KCNJ4: variants seen among roughly 807,000 people sequenced by gnomAD.
KCNJ4 encodes the protein potassium inwardly rectifying channel subfamily J member 4.
Under a neutral mutation model 25.6 loss-of-function variants are expected in KCNJ4, and 3 were observed. The ratio of observed to expected loss-of-function variants is 0.12; its 90% CI spans 0.05 to 0.30. The LOEUF (loss-of-function observed/expected upper bound fraction) is 0.30. Among genes scored for constraint, KCNJ4 ranks in the 10% least tolerant of loss-of-function variants. The probability of loss-of-function intolerance (pLI) is 1.00; values close to 1 mark genes in which losing one functional copy is unlikely to be tolerated. For missense variants in KCNJ4, 286 were observed against 666.8 expected (o/e 0.43, Z 6.29); for synonymous variants, 257 against 283.9 (o/e 0.91, Z 0.95).
Position 38,426,743 on chromosome 22 carries a change from C to T in KCNJ4, c.*52G>A. The T allele has an allele frequency of 6.5e-7, 1 of 1,546,884 alleles. No individual in the cohort carries two copies. The highest frequency in any genetic ancestry group is 8.8e-7 in the Non-Finnish European group (1 of 1,142,794). Reference sequence around the variant, plus strand: ...AGTGTGGGAGGGGGTGTCCTGGCATCCCACCCCCGGCAGAGGCTCTTGTGG... The same window carrying T: ...AGTGTGGGAGGGGGTGTCCTGGCATTCCACCCCCGGCAGAGGCTCTTGTGG... On this transcript the variant is annotated 3_prime_UTR_variant, in exon 2 of 2. Coordinates refer to ENST00000303592, the MANE Select transcript of KCNJ4 (RefSeq NM_152868.3).
intron 1 of KCNJ4, among the ~76,000 whole-genome samples, chr22:38,430,592 T>C (rs73411300): frequency 0.069 from 10,476 of 152,284 alleles, 1,215 homozygotes; most frequent in African/African-American, 0.24. Flanking sequence ...AACGTAATGC[T>C]GGCCCTTCAG....
At chr22:38,446,360 C>T (rs2089374900) in intron 1 of KCNJ4, among the ~76,000 whole-genome samples, 1 of 152,234 alleles carries the variant, frequency 6.6e-6, no homozygotes, top group Non-Finnish European at 1.5e-5. Context: ...GCCTTGGAGC[C>T]CAGCCAGAGA....
chr22:38,426,663 T>C lies in KCNJ4; in HGVS notation c.*132A>G. On this transcript the variant is annotated 3_prime_UTR_variant, in exon 2 of 2. Transcript: ENST00000303592. ...CAGGAGGAAGGGGTCCCCCAGTCTTTGAAACCCCCACCTTCCTCCAGAAGG... is the reference window on the plus strand; with the variant it reads ...CAGGAGGAAGGGGTCCCCCAGTCTTCGAAACCCCCACCTTCCTCCAGAAGG... 1.7e-6 allele frequency: 2 copies of C among 1,206,124 alleles called. No individual in the cohort carries two copies. Among genetic ancestry groups the C allele is most frequent in the Non-Finnish European group, 2.3e-6 (2 of 856,704 alleles). 74.7% of individuals were successfully genotyped at this position (1,206,124 alleles called of 1,614,324 possible).
chr22:38,431,615 C>A (rs2093050027), intron 1 of KCNJ4, among the ~76,000 whole-genome samples: 1 of 152,242 alleles, frequency 6.6e-6, no homozygotes, highest in East Asian at 1.9e-4. Flanking sequence ...ACTTCTCAGA[C>A]CTCCACCCTT....
chr22:38,451,287 C>T (rs1398460383), intron 1 of KCNJ4, among the ~76,000 whole-genome samples: 1 of 152,130 alleles, frequency 6.6e-6, no homozygotes, highest in African/African-American at 2.4e-5. Context: ...TGCTTGAATA[C>T]CTCTAGGATT....
In KCNJ4 at chr22:38,449,952, G is replaced by A. The variant is rs776401186; in HGVS notation, c.-40+5028C>T. On this transcript the variant is annotated intron_variant, in intron 1 of 1. Coordinates refer to ENST00000303592, the MANE Select transcript of KCNJ4 (RefSeq NM_152868.3). This position sits in a 1 kb window ranked among gnomAD's most constrained non-coding sequence, Gnocchi z 5.2. ...GCACCCCACCCACCACCCCGTGAGCGCCCGTGTGCGCGCCTGCAGGAGCGC... is the reference window on the plus strand; with the variant it reads ...GCACCCCACCCACCACCCCGTGAGCACCCGTGTGCGCGCCTGCAGGAGCGC... Among the ~76,000 whole-genome samples the A allele has an allele frequency of 4.7e-4, 72 of 152,356 alleles. No homozygotes were observed. The highest frequency in any genetic ancestry group is 4.4e-4 in the Non-Finnish European group (30 of 68,030).
chr22:38,449,361 G>A lies in KCNJ4; in HGVS notation c.-40+5619C>T, dbSNP rs1051893687. ...TCAGTATTCTCATCTGAGAAGTGGG[G>A]GTGATGGTTCTCCCAGGGTGGTGGA... On this transcript the variant is annotated intron_variant, in intron 1 of 1. Coordinates refer to ENST00000303592, the MANE Select transcript of KCNJ4 (RefSeq NM_152868.3). This position sits in a 1 kb window ranked among gnomAD's most constrained non-coding sequence, Gnocchi z 5.2. Among the ~76,000 whole-genome samples the A allele has an allele frequency of 6.6e-6, 1 of 152,108 alleles. No homozygotes were observed. The highest frequency in any genetic ancestry group is 2.4e-5 in the African/African-American group (1 of 41,408).
chr22:38,439,452 A>T (rs958144447), intron 1 of KCNJ4, among the ~76,000 whole-genome samples: 2 of 150,982 alleles, frequency 1.3e-5, no homozygotes, highest in Non-Finnish European at 2.9e-5. Flanking sequence ...AATAAAATAA[A>T]GCCTTGTGCA....
Position 38,427,842 on chromosome 22 carries a change from C to A in KCNJ4, c.291G>T (p.Gly97=). 1.9e-6 allele frequency: 3 copies of A among 1,609,914 alleles called. No individual in the cohort carries two copies. Among genetic ancestry groups the A allele is most frequent in the Non-Finnish European group, 2.5e-6 (3 of 1,178,006 alleles). Residue 97 remains glycine, a synonymous_variant, in exon 2 of 2, where the codon GGG becomes GGT. Coordinates refer to ENST00000303592, the MANE Select transcript of KCNJ4 (RefSeq NM_152868.3). ...CTCCGCCACCACCCGCCGCCGGGCCCCCCGCCGCAGGCACCCCTGGGCTGG... is the reference window on the plus strand; with the variant it reads ...CTCCGCCACCACCCGCCGCCGGGCCACCCGCCGCAGGCACCCCTGGGCTGG... ...LEASPGVPAA[G]GPAAGGGGAA...
chr22:38,440,231 G>A (rs2089323328), intron 1 of KCNJ4, among the ~76,000 whole-genome samples: 1 of 151,538 alleles, frequency 6.6e-6, no homozygotes. Context: ...GCAACATAGT[G>A]AAACTCTTTC....
chr22:38,454,497 C>T (rs928729554), intron 1 of KCNJ4, among the ~76,000 whole-genome samples: 2 of 152,160 alleles, frequency 1.3e-5, no homozygotes, highest in Non-Finnish European at 2.9e-5. Context: ...CCTGCCCCTG[C>T]GCCCTGGGGT....
At chr22:38,429,976 A>AC (rs1482535463) in intron 1 of KCNJ4, among the ~76,000 whole-genome samples, 1 of 152,208 alleles carries the variant, frequency 6.6e-6, no homozygotes, top group Non-Finnish European at 1.5e-5. Flanking sequence ...TTAGAGATCA[A>AC]CAGCCTCAGA....
At chr22:38,438,699 GA>G (rs1296004682) in intron 1 of KCNJ4, among the ~76,000 whole-genome samples, 2 of 122,072 alleles carry the variant, frequency 1.6e-5, no homozygotes, top group Admixed American at 8.9e-5. Context: ...AAAAAAAAAA[GA>G]AAAAAAGAAA....
intron 1 of KCNJ4, among the ~76,000 whole-genome samples, chr22:38,444,597 G>A (rs2089360611): frequency 6.6e-6 from 1 of 152,224 alleles, no homozygotes; most frequent in Non-Finnish European, 1.5e-5. Flanking sequence ...GGGTGGCAGG[G>A]ACATGTGTAC....
In KCNJ4 at chr22:38,427,293, C is replaced by T. The variant is rs891881833; in HGVS notation, c.840G>A (p.Glu280=). The change falls in exon 2 of 2, where the codon GAG becomes GAA. Residue 280 remains glutamate (E), a synonymous_variant. Coordinates refer to ENST00000303592, the MANE Select transcript of KCNJ4 (RefSeq NM_152868.3). ...PLYGMGKEEL[E]SEDFEIVVIL... The stretch of plus-strand genomic sequence containing the variant: ...TGACCACGATCTCAAAGTCCTCCGA[C>T]TCCAGCTCCTCCTTGCCCATGCCAT... 5.6e-6 allele frequency: 9 copies of T among 1,613,990 alleles called. No homozygotes were observed. Among genetic ancestry groups the T allele is most frequent in the Non-Finnish European group, 7.6e-6 (9 of 1,180,014 alleles).
At chr22:38,451,029 C>T (rs2089407504) in intron 1 of KCNJ4, among the ~76,000 whole-genome samples, 1 of 152,050 alleles carries the variant, frequency 6.6e-6, no homozygotes, top group South Asian at 2.1e-4. Context: ...GAGCCATGGC[C>T]CTTCCATCTA....
chr22:38,441,566 GA>G (rs1279576454), intron 1 of KCNJ4, among the ~76,000 whole-genome samples: 1 of 152,114 alleles, frequency 6.6e-6, no homozygotes, highest in Admixed American at 6.5e-5. Flanking sequence ...AACCTAGGGG[GA>G]TGGGGGCTAA....
chr22:38,449,046 A>C lies in KCNJ4; in HGVS notation c.-40+5934T>G, dbSNP rs1019775551. Among the ~76,000 whole-genome samples the C allele has an allele frequency of 6.6e-6, 1 of 151,966 alleles. No individual in the cohort carries two copies. The highest frequency in any genetic ancestry group is 1.5e-5 in the Non-Finnish European group (1 of 67,958). ...CCTGGTAGCCCCTAAGGACCTCTTG[A>C]CCTGCCAATGTCTCTCTGGGGCACC... On this transcript the variant is annotated intron_variant, in intron 1 of 1. Coordinates refer to ENST00000303592, the MANE Select transcript of KCNJ4 (RefSeq NM_152868.3). This position sits in a 1 kb window ranked among gnomAD's most constrained non-coding sequence, Gnocchi z 5.2.
rs113849259 is a variant in KCNJ4, at chr22:38,426,608, C to T, written c.*187G>A. 282 of 717,044 alleles carry T rather than the reference C, an allele frequency of 3.9e-4. 2 individuals carry two copies. The highest frequency in any genetic ancestry group is 5.7e-4 in the African/African-American group (32 of 56,236). 44.4% of individuals were successfully genotyped at this position (717,044 alleles called of 1,614,324 possible). ...TGGCGGAACTCAGGCTGATCGGGGC[C>T]GAGCTCTTCCCAGGCCTGGGTGCTG... On this transcript the variant is annotated 3_prime_UTR_variant, in exon 2 of 2. Coordinates refer to ENST00000303592, the MANE Select transcript of KCNJ4 (RefSeq NM_152868.3).
Sources: gnomAD v4.1 joint callset for allele counts (sites outside exome capture counted in the v4.1 genomes callset) on GRCh38, gnomAD v4.1.1 for gene constraint, Gnocchi (gnomAD v3.1) non-coding constraint, MANE v1.5 for transcripts, NCBI Gene and HGNC (gene_info 2026-07-23, HGNC 2026-07-21) for gene names.